The following USP25 variants were observed in gnomAD, a reference collection of about 807,000 sequenced individuals.
USP25 encodes ubiquitin carboxyl-terminal hydrolase 25.
USP25 carries 85 observed loss-of-function variants against 158.5 expected under a neutral mutation model. The observed-to-expected ratio is 0.54, with a 90% CI of 0.45 to 0.64. The LOEUF (loss-of-function observed/expected upper bound fraction) is 0.64. Among genes scored for constraint, USP25 ranks in the 30% least tolerant of loss-of-function variants. USP25 has a pLI of 0.00. For missense variants in USP25, 1,242 were observed against 1,327.3 expected (o/e 0.94, Z 1.00); for synonymous variants, 464 against 460.4 (o/e 1.01, Z -0.10).
At position 15,826,438 on chromosome 21, in the gene USP25, A is replaced by G. The variant is rs2037507372; in HGVS notation, c.1466+73A>G. On this transcript the variant is annotated intron_variant, in intron 13 of 25. Transcript: ENST00000400183. The surrounding 1 kb of genome is among the most constrained non-coding windows in gnomAD (Gnocchi z 4.8). ...AATAATGTAACTGCTGCCTTTAAAG[A>G]CAGTTTCTATAAAATGTATGCTTTG... The G allele has an allele frequency of 2.0e-6, 3 of 1,531,448 alleles. No homozygotes were observed. Among genetic ancestry groups the G allele is most frequent in the Non-Finnish European group, 2.7e-6 (3 of 1,118,952 alleles). The allele number at this position is 1,531,448 out of a possible 1,614,324, so 94.9% of individuals were successfully genotyped here.
At chr21:15,806,730 C>T (rs1009872383) in intron 7 of USP25, among the ~76,000 whole-genome samples, 3 of 152,142 alleles carry the variant, frequency 2.0e-5, no homozygotes, top group African/African-American at 7.2e-5. Flanking sequence ...GTTCCCTAAA[C>T]ACTTGAATTT....
intron 5 of USP25, among the ~76,000 whole-genome samples, chr21:15,792,821 A>T (rs1280650938): frequency 6.6e-6 from 1 of 151,560 alleles, no homozygotes; most frequent in Non-Finnish European, 1.5e-5. Flanking sequence ...GTGCATCCTA[A>T]TAAGTAATAT....
Position 15,826,285 on chromosome 21 carries a change from A to G in USP25, c.1386A>G (p.Lys462=). ...ATGCATTGGAATTTGCCTCAAGTAA[A>G]CCTGTTTGCACTTCTCCTGTTGACG... is the stretch of plus-strand genomic sequence containing the variant. The part of the protein sequence containing the change: ...LQYALEFASS[K]PVCTSPVDDI... Residue 462 remains lysine, a synonymous_variant, in exon 13 of 26, where the codon AAA becomes AAG. Transcript: ENST00000400183. This position sits in a 1 kb window ranked among gnomAD's most constrained non-coding sequence, Gnocchi z 4.8. 1 of 1,613,970 alleles carries G rather than the reference A, an allele frequency of 6.2e-7. No homozygotes were observed. The highest frequency in any genetic ancestry group is 8.5e-7 in the Non-Finnish European group (1 of 1,179,940).
chr21:15,814,294 C>A (rs2036824174), intron 9 of USP25, among the ~76,000 whole-genome samples: 1 of 151,520 alleles, frequency 6.6e-6, no homozygotes, highest in South Asian at 2.1e-4. Flanking sequence ...TTCTTCCCAG[C>A]CTTGCCTATG....
rs1334087941 is a variant in USP25 at position 15,879,661 on chromosome 21, AT to A, written c.*1189del. The A allele has an allele frequency of 1.3e-5, 2 of 152,572 alleles. No homozygotes were observed. The highest frequency in any genetic ancestry group is 4.8e-5 in the African/African-American group (2 of 41,444). The allele number at this position is 152,572 out of a possible 1,614,324, so 9.5% of individuals were successfully genotyped here. On this transcript the variant is annotated 3_prime_UTR_variant, in exon 26 of 26. Transcript: ENST00000400183. The stretch of plus-strand genomic sequence containing the variant: ...ACAACCTATTTTTGAATTCATAAAA[AT>A]TTCTTTATAAATGATGTTTTGTGAA...
chr21:15,864,523 G>A (rs2039573848), intron 21 of USP25, 77 bp downstream of exon 21: 1 of 1,352,204 alleles, frequency 7.4e-7, no homozygotes, highest in African/African-American at 1.5e-5. Context: ...ATAATTTTTT[G>A]AGTATTTATT....
At chr21:15,812,830 G>T (rs1568837863) in intron 9 of USP25, among the ~76,000 whole-genome samples, 2 of 152,028 alleles carry the variant, frequency 1.3e-5, no homozygotes, top group Admixed American at 1.3e-4. Context: ...TTTTTACATA[G>T]ATCTTCCTAA....
At chr21:15,821,040 C>G (rs1210768733) in intron 10 of USP25, among the ~76,000 whole-genome samples, 2 of 151,942 alleles carry the variant, frequency 1.3e-5, no homozygotes, top group African/African-American at 4.8e-5. Flanking sequence ...ATGAGTCAGA[C>G]TCTCCAGGAA....
At chr21:15,853,245 T>G (rs1003016145) in intron 20 of USP25, among the ~76,000 whole-genome samples, 1 of 152,132 alleles carries the variant, frequency 6.6e-6, no homozygotes, top group African/African-American at 2.4e-5. Flanking sequence ...TTAGACAGTA[T>G]CACATTATCT....
chr21:15,824,004 A>T, intron 10 of USP25, 35 bp from the exon 11 acceptor site: 2 of 1,592,028 alleles, frequency 1.3e-6, no homozygotes, highest in Middle Eastern at 1.7e-4. Context: ...CAAAGGTGGT[A>T]TTAAAGTTTT....
intron 9 of USP25, among the ~76,000 whole-genome samples, chr21:15,815,026 A>C (rs1201087558): frequency 6.6e-6 from 1 of 152,154 alleles, no homozygotes; most frequent in Non-Finnish European, 1.5e-5. Context: ...CGTGGTACTC[A>C]TGCTGTGTGC....
At chr21:15,798,677 T>C (rs114414920) in intron 5 of USP25, among the ~76,000 whole-genome samples, 1,766 of 151,470 alleles carry the variant, frequency 0.012, 34 homozygotes, top group African/African-American at 0.041. Context: ...TATGTGCTTA[T>C]ATTGTTGAAT....
At chr21:15,778,628 G>A (rs2034790995) in intron 4 of USP25, among the ~76,000 whole-genome samples, 1 of 152,072 alleles carries the variant, frequency 6.6e-6, no homozygotes, top group South Asian at 2.1e-4. Flanking sequence ...ATGTGTGCTA[G>A]AATGCAGTTT....
intron 9 of USP25, among the ~76,000 whole-genome samples, chr21:15,813,662 C>A (rs2036787614): frequency 1.3e-5 from 2 of 152,108 alleles, no homozygotes; most frequent in South Asian, 4.1e-4. Context: ...TGTCTGGTAT[C>A]TCAAACCTTA....
chr21:15,765,687 T>C (rs1043543948), intron 2 of USP25, among the ~76,000 whole-genome samples: 3 of 152,044 alleles, frequency 2.0e-5, no homozygotes, highest in African/African-American at 7.2e-5. Context: ...AGACCTTTTT[T>C]AGTTTATTTG....
chr21:15,783,226 A>G (rs2035069058), intron 4 of USP25, among the ~76,000 whole-genome samples: 1 of 152,106 alleles, frequency 6.6e-6, no homozygotes, highest in African/African-American at 2.4e-5. Flanking sequence ...AAAAAGAATA[A>G]CAAAGTATGA....
rs763489385 is a variant in USP25, at chr21:15,842,457, C to G, written c.2254C>G (p.His752Asp). Residue 752 changes from histidine to aspartate, a missense_variant, in exon 18 of 26, where the codon CAC becomes GAC. By Grantham distance (81) the His-to-Asp change is moderately conservative. Coordinates refer to ENST00000400183, the MANE Select transcript of USP25 (RefSeq NM_001283041.3). ...GCCATCAAGAAGTGATTTCTCAAAG[C>G]ACTTGAAAGAAGAAACTATTCAAAT... ...EQPSRSDFSK[H>D]LKEETIQIIT... The G allele has an allele frequency of 6.2e-7, 1 of 1,613,738 alleles. No homozygotes were observed. Among genetic ancestry groups the G allele is most frequent in the Non-Finnish European group, 8.5e-7 (1 of 1,179,754 alleles).
intron 1 of USP25, among the ~76,000 whole-genome samples, chr21:15,759,671 C>T (rs922511592): frequency 2.0e-5 from 3 of 152,084 alleles, no homozygotes; most frequent in Admixed American, 1.3e-4. Context: ...AAGTTGCAGG[C>T]TTTAGAGAGA....
At chr21:15,861,836 A>G (rs1003369358) in intron 20 of USP25, among the ~76,000 whole-genome samples, 1 of 152,076 alleles carries the variant, frequency 6.6e-6, no homozygotes, top group African/African-American at 2.4e-5. Flanking sequence ...TGATTGAAAA[A>G]CAGCTCCTAG....
Sources: gnomAD v4.1 joint callset for allele counts (sites outside exome capture counted in the v4.1 genomes callset) on GRCh38, gnomAD v4.1.1 for gene constraint, Gnocchi (gnomAD v3.1) non-coding constraint, MANE v1.5 for transcripts, NCBI Gene and HGNC (gene_info 2026-07-23, HGNC 2026-07-21) for gene names.